PCDHA5: variants seen among roughly 807,000 people sequenced by gnomAD.
PCDHA5 encodes protocadherin alpha 5.
A neutral mutation model predicts 61.6 loss-of-function variants in PCDHA5; 43 were observed. The ratio of observed to expected loss-of-function variants is 0.70; its 90% CI spans 0.55 to 0.90. The LOEUF (loss-of-function observed/expected upper bound fraction) is 0.90. Ranked by LOEUF, PCDHA5 falls within the 40% of genes least tolerant of loss-of-function variation. The probability of loss-of-function intolerance (pLI) is 0.00; values close to 1 mark genes in which losing one functional copy is unlikely to be tolerated. For missense variants in PCDHA5, 1,298 were observed against 1,222.7 expected, an observed-to-expected ratio of 1.06 and a Z score of -0.92; for synonymous variants, 627 against 543.9, an observed-to-expected ratio of 1.15 and a Z score of -2.13.
intron 1 of PCDHA5, among the ~76,000 whole-genome samples, chr5:140,887,221 C>T (rs149306651): frequency 9.2e-5 from 14 of 151,858 alleles, no homozygotes; most frequent in Non-Finnish European, 1.3e-4. Flanking sequence ...CTCAGCCTCC[C>T]GAGTAGCTGA....
intron 1 of PCDHA5, chr5:140,967,284 A>C: frequency 6.2e-7 from 1 of 1,613,190 alleles, no homozygotes. Context: ...GAGAGTGCGC[A>C]GGACCCCGAC....
chr5:140,918,633 A>G (rs2078785997), intron 1 of PCDHA5, among the ~76,000 whole-genome samples: 1 of 152,242 alleles, frequency 6.6e-6, no homozygotes, highest in Non-Finnish European at 1.5e-5. Flanking sequence ...CCCCAAATTC[A>G]TAAATTGAAA....
chr5:140,969,201 G>A (rs2096306183), intron 1 of PCDHA5: 2 of 1,614,110 alleles, frequency 1.2e-6, no homozygotes, highest in Non-Finnish European at 1.7e-6. Context: ...TACAATACAG[G>A]GGCCCAGACA....
chr5:140,884,518 C>G, intron 1 of PCDHA5: 2 of 1,614,054 alleles, frequency 1.2e-6, no homozygotes, highest in Non-Finnish European at 1.7e-6. Context: ...GTTGGTCGTA[C>G]TCGCAGCAGA....
chr5:140,945,001 G>GT (rs2093723326), intron 1 of PCDHA5, among the ~76,000 whole-genome samples: 1 of 151,990 alleles, frequency 6.6e-6, no homozygotes, highest in South Asian at 2.1e-4. Context: ...ACGGTTGTGG[G>GT]TCATGAATTA....
At chr5:140,884,679 A>C (rs782535862) in intron 1 of PCDHA5, 12 of 1,551,914 alleles carry the variant, frequency 7.7e-6, no homozygotes, top group Non-Finnish European at 8.7e-6. Context: ...TTATATTTTA[A>C]AAAATTGTCT....
intron 1 of PCDHA5, chr5:140,966,887 G>A: frequency 6.3e-7 from 1 of 1,592,682 alleles, no homozygotes. Flanking sequence ...TGGCCCTGCG[G>A]CCTCCCAGCT....
chr5:140,926,905 G>A (rs1228610236), intron 1 of PCDHA5: 1 of 1,558,988 alleles, frequency 6.4e-7, no homozygotes, highest in Admixed American at 1.8e-5. Flanking sequence ...GGTGGGCTGT[G>A]GGGTGGCAGT....
chr5:140,841,805 G>A, intron 1 of PCDHA5: 1 of 1,613,936 alleles, frequency 6.2e-7, no homozygotes, highest in Non-Finnish European at 8.5e-7. Flanking sequence ...CGATGCAGAT[G>A]TTGGAGCTAA....
At chr5:140,876,480 C>T (rs368324550) in intron 1 of PCDHA5, 10 of 1,613,874 alleles carry the variant, frequency 6.2e-6, no homozygotes, top group Non-Finnish European at 8.5e-6. Context: ...ACAGCATGGT[C>T]CTGGTGGAAG....
At chr5:140,985,065 G>A (rs189493508) in intron 3 of PCDHA5, among the ~76,000 whole-genome samples, 45 of 152,190 alleles carry the variant, frequency 3.0e-4, no homozygotes, top group Admixed American at 5.2e-4. Context: ...AGCCTCCTGA[G>A]TAGCTGAGAC....
intron 1 of PCDHA5, among the ~76,000 whole-genome samples, chr5:140,948,544 G>A (rs2094271073): frequency 1.3e-5 from 2 of 151,392 alleles, no homozygotes; most frequent in Admixed American, 1.3e-4. Flanking sequence ...TTCATGCTCT[G>A]TCAATTTTGT....
rs143264790 is a variant in PCDHA5 at position 140,829,783 on chromosome 5, G to A, written c.2352+5656G>A. 692 of 1,613,800 alleles carry A rather than the reference G, an allele frequency of 4.3e-4. 1 individual carries two copies. Among genetic ancestry groups the A allele is most frequent in the Non-Finnish European group, 5.5e-4 (653 of 1,179,870 alleles). ...TGGACGAGAACGACAACGCGCCGGC[G>A]CTGCTGGCGCCTCGGGTGGGTGGTA... On this transcript the variant is annotated intron_variant, in intron 1 of 3. Transcript: ENST00000529859.
chr5:140,851,390 C>T (rs1410826615), intron 1 of PCDHA5: 3 of 973,626 alleles, frequency 3.1e-6, no homozygotes, highest in East Asian at 2.2e-4. Flanking sequence ...CCTTCAGTAT[C>T]TATTATTTTA....
chr5:140,894,819 G>T (rs974558361), intron 1 of PCDHA5, among the ~76,000 whole-genome samples: 6 of 151,474 alleles, frequency 4.0e-5, no homozygotes, highest in African/African-American at 1.2e-4. Context: ...TATCAGATTT[G>T]CCCATAATCC....
At chr5:140,991,563 C>T (rs577838155) in intron 3 of PCDHA5, among the ~76,000 whole-genome samples, 4 of 152,288 alleles carry the variant, frequency 2.6e-5, no homozygotes, top group South Asian at 4.1e-4. Context: ...CCTTTAGTTT[C>T]CAATAACAGG....
At chr5:140,993,523 C>CAG (rs111789518) in intron 3 of PCDHA5, among the ~76,000 whole-genome samples, 24 of 145,748 alleles carry the variant, frequency 1.6e-4, no homozygotes, top group African/African-American at 5.0e-4. Flanking sequence ...GAGAGAGAGA[C>CAG]AGAGAGAGAG....
chr5:140,842,487 T>G, intron 1 of PCDHA5: 3 of 1,613,936 alleles, frequency 1.9e-6, no homozygotes, highest in Non-Finnish European at 2.5e-6. Context: ...ACCTGCTCCC[T>G]GATGCCCCAT....
In PCDHA5 at chr5:140,835,672, G is replaced by A. The variant is rs2150241563; in HGVS notation, c.2352+11545G>A. On this transcript the variant is annotated intron_variant, in intron 1 of 3. Coordinates refer to ENST00000529859, the MANE Select transcript of PCDHA5 (RefSeq NM_018908.3). The stretch of plus-strand genomic sequence containing the variant: ...GAGCTGGTGGTTACCGCGCGGGACG[G>A]GGGCTCGCCTTCTCTGTGGGCCACT... 1.9e-6 allele frequency: 3 copies of A among 1,613,926 alleles called. No individual in the cohort carries two copies. The South Asian group carries it at 3.3e-5, about 18-fold the overall frequency.
Sources: gnomAD v4.1 joint callset for allele counts (sites outside exome capture counted in the v4.1 genomes callset) on GRCh38, gnomAD v4.1.1 for gene constraint, MANE v1.5 for transcripts, NCBI Gene and HGNC (gene_info 2026-07-23, HGNC 2026-07-21) for gene names.